The following PDE1B variants were observed in gnomAD, a reference collection of about 807,000 sequenced individuals.
PDE1B encodes the protein dual specificity calcium/calmodulin-dependent 3',5'-cyclic nucleotide phosphodiesterase 1B.
In PDE1B, 13 loss-of-function variants were observed where a neutral mutation model predicts 66.7. The observed-to-expected ratio is 0.19, with a 90% CI of 0.13 to 0.31. The LOEUF is 0.31. PDE1B is among the 10% of genes least tolerant of loss of function. The pLI, the probability that PDE1B is intolerant of heterozygous loss-of-function variation, is 1.00. For synonymous variants in PDE1B, 230 were observed against 253.9 expected, an observed-to-expected ratio of 0.91 and a Z score of 0.90; for missense variants, 485 against 682.3, an observed-to-expected ratio of 0.71 and a Z score of 3.22.
chr12:54,576,469 G>A, intron 13 of PDE1B, 102 bp from the exon 14 acceptor site: 1 of 1,418,542 alleles, frequency 7.0e-7, no homozygotes, highest in South Asian at 1.2e-5. Flanking sequence ...GAAGTTCCCT[G>A]AACCTTCTCC....
At chr12:54,556,596 G>A (rs1292654988) in intron 2 of PDE1B, among the ~76,000 whole-genome samples, 1 of 152,178 alleles carries the variant, frequency 6.6e-6, no homozygotes, top group Non-Finnish European at 1.5e-5. Context: ...CACTGAGGGA[G>A]ATGTGTTGGG....
In PDE1B at chr12:54,569,717, T is replaced by TTG; in HGVS notation, c.477+106_477+107insGT. On this transcript the variant is annotated intron_variant, in intron 5 of 15. Transcript: ENST00000243052. This position sits in a 1 kb window ranked among gnomAD's most constrained non-coding sequence, Gnocchi z 4.4. Reference sequence around the variant, plus strand: ...ATTATTTTTGCCTTCCTTTTTTTTTTTTGAAATGGAGTCTCGCTCTTGTCA... The same window carrying TTG: ...ATTATTTTTGCCTTCCTTTTTTTTTTTGTTGAAATGGAGTCTCGCTCTTGTCA... The TTG allele has an allele frequency of 1.3e-6, 1 of 789,048 alleles. No homozygotes were observed. Among genetic ancestry groups the TTG allele is most frequent in the Non-Finnish European group, 2.2e-6 (1 of 460,398 alleles). The allele number at this position is 789,048 out of a possible 1,614,324, so 48.9% of individuals were successfully genotyped here.
In PDE1B at chr12:54,576,698, A is replaced by C. The variant is rs1440570467; in HGVS notation, c.1504A>C (p.Ser502Arg). ...GCAGAAATGGAAGGAACGGGCAGCA[A>C]GTGGTGGGTACCATGGCAGAGGGCA... is the stretch of plus-strand genomic sequence containing the variant. The part of the protein sequence containing the change: ...NKQKWKERAA[S>R]GITNQMSIDE... Residue 502 changes from serine to arginine, a missense_variant, in exon 14 of 16, where the codon AGT becomes CGT. Physicochemically the swap from Ser to Arg is moderately radical, Grantham distance 110 (BLOSUM62 -1). Coordinates refer to ENST00000243052, the MANE Select transcript of PDE1B (RefSeq NM_000924.4). The C allele has an allele frequency of 1.2e-6, 2 of 1,604,628 alleles. No homozygotes were observed. The highest frequency in any genetic ancestry group is 1.7e-6 in the Non-Finnish European group (2 of 1,175,226).
Position 54,578,558 on chromosome 12 carries a change from G to A in PDE1B, c.*716G>A, listed in dbSNP as rs1306469138. 6.6e-6 allele frequency: 1 copy of A among 152,346 alleles called. No homozygotes were observed. Among genetic ancestry groups the A allele is most frequent in the African/African-American group, 2.4e-5 (1 of 41,436 alleles). The allele number at this position is 152,346 out of a possible 1,614,324, so 9.4% of individuals were successfully genotyped here. On this transcript the variant is annotated 3_prime_UTR_variant, in exon 16 of 16. Transcript: ENST00000243052. ...GAGCCATTGTGACCAGGGGCTGCGG[G>A]AGGCCTTTCCTGGGACCTTCCTTGG...
intron 1 of PDE1B, 32 bp downstream of exon 1, chr12:54,549,804 C>T: frequency 2.4e-6 from 3 of 1,255,364 alleles, no homozygotes; most frequent in Non-Finnish European, 3.5e-6. Context: ...GGGTGAGGGT[C>T]TCTCGGCTGG....
chr12:54,570,178 T>C (rs1957591717), intron 5 of PDE1B, 63 bp from the exon 6 acceptor site: 3 of 959,306 alleles, frequency 3.1e-6, no homozygotes, highest in Admixed American at 1.7e-5. Flanking sequence ...GAAGTCCTTC[T>C]TGAAGTCTAA....
chr12:54,576,247 G>C (rs1003290695), intron 13 of PDE1B, 147 bp downstream of exon 13: 2 of 656,018 alleles, frequency 3.0e-6, no homozygotes, highest in Non-Finnish European at 5.6e-6. Context: ...TCTGCCGTCA[G>C]GGACAGAAGG....
chr12:54,575,352 TA>T lies in PDE1B; in HGVS notation c.1185+138del. The T allele has an allele frequency of 1.2e-6, 1 of 839,494 alleles. No individual in the cohort carries two copies. The allele number at this position is 839,494 out of a possible 1,614,324, so 52.0% of individuals were successfully genotyped here. A position where few individuals can be genotyped will look rare whatever the true frequency, so the allele number is the denominator to read the frequency against. On this transcript the variant is annotated intron_variant, in intron 11 of 15. Transcript: ENST00000243052. The surrounding 1 kb of genome is among the most constrained non-coding windows in gnomAD (Gnocchi z 4.0). ...CTGACCTGATCCCAAATCCTTGGGG[TA>T]AAACCCCATTATCCTAAAAGCCTAA...
chr12:54,566,831 T>C (rs1202574690), intron 2 of PDE1B, 143 bp from the exon 3 acceptor site: 13 of 468,712 alleles, frequency 2.8e-5, no homozygotes. Context: ...AAACATTAGC[T>C]GCTATTATTA....
chr12:54,556,290 A>G (rs1212203583), intron 2 of PDE1B, among the ~76,000 whole-genome samples: 1 of 152,228 alleles, frequency 6.6e-6, no homozygotes, highest in Non-Finnish European at 1.5e-5. Context: ...CAGCAAGACT[A>G]CATGGTCTGA....
intron 2 of PDE1B, among the ~76,000 whole-genome samples, chr12:54,551,595 C>T (rs938833278): frequency 1.3e-5 from 2 of 152,278 alleles, no homozygotes; most frequent in South Asian, 4.1e-4. Context: ...GGATGGCTCC[C>T]CTAACACTAG....
rs1957708218 is a variant in PDE1B at position 54,575,071 on chromosome 12, C to A, written c.1065-27C>A. The A allele has an allele frequency of 1.1e-5, 17 of 1,610,114 alleles. No homozygotes were observed. The highest frequency in any genetic ancestry group is 1.4e-5 in the Non-Finnish European group (17 of 1,177,004). On this transcript the variant is annotated intron_variant, in intron 10 of 15. Coordinates refer to ENST00000243052, the MANE Select transcript of PDE1B (RefSeq NM_000924.4). This position sits in a 1 kb window ranked among gnomAD's most constrained non-coding sequence, Gnocchi z 4.0. ...TTCCTTTTCCTAAAAGATCAGTCTCCCTTCCCTTGCCATCTGCCCCAACCA... is the reference window on the plus strand; with the variant it reads ...TTCCTTTTCCTAAAAGATCAGTCTCACTTCCCTTGCCATCTGCCCCAACCA...
At chr12:54,555,137 C>A (rs1389588004) in intron 2 of PDE1B, among the ~76,000 whole-genome samples, 1 of 152,174 alleles carries the variant, frequency 6.6e-6, no homozygotes, top group African/African-American at 2.4e-5. Context: ...AGGAGAGGAA[C>A]TTCCTCCTTA....
At chr12:54,576,723 A>C in intron 14 of PDE1B, 22 bp downstream of exon 14, 1 of 1,584,856 alleles carries the variant, frequency 6.3e-7, no homozygotes, top group East Asian at 2.3e-5. Flanking sequence ...GGCAGAGGGC[A>C]GGGGTGAGAA....
At position 54,569,598 on chromosome 12, in the gene PDE1B, C is replaced by T. The variant is rs745665484; in HGVS notation, c.463C>T (p.Leu155Phe). 1 of 1,612,292 alleles carries T rather than the reference C, an allele frequency of 6.2e-7. No individual in the cohort carries two copies. Among genetic ancestry groups the T allele is most frequent in the Non-Finnish European group, 8.5e-7 (1 of 1,178,358 alleles). Reference protein sequence around the residue: ...SVGPTYSTAVLNCLKNLDLWC... With the variant: ...SVGPTYSTAVFNCLKNLDLWC... ...GGGCCCCACTTACTCTACTGCGGTT[C>T]TCAACTGTCTCAAGGTAATCTCTGG... Residue 155 changes from leucine (L) to phenylalanine (F), a missense_variant, in exon 5 of 16, where the codon CTC (leucine) becomes TTC (phenylalanine). By Grantham distance (22) the Leu-to-Phe change is conservative (BLOSUM62 0). Coordinates refer to ENST00000243052, the MANE Select transcript of PDE1B (RefSeq NM_000924.4). This position sits in a 1 kb window ranked among gnomAD's most constrained non-coding sequence, Gnocchi z 4.4.
chr12:54,577,585 C>T, intron 15 of PDE1B: 4 of 1,501,626 alleles, frequency 2.7e-6, no homozygotes, highest in Non-Finnish European at 2.6e-6. Flanking sequence ...AGCAGCAGAA[C>T]AGGGTGGGCC....
In PDE1B at chr12:54,569,652, G is replaced by A; in HGVS notation, c.477+40G>A. 7.2e-7 allele frequency: 1 copy of A among 1,398,436 alleles called. No individual in the cohort carries two copies. The highest frequency in any genetic ancestry group is 1.0e-6 in the Non-Finnish European group (1 of 983,320). The allele number at this position is 1,398,436 out of a possible 1,614,324, so 86.6% of individuals were successfully genotyped here. A position where few individuals can be genotyped will look rare whatever the true frequency, so the allele number is the denominator to read the frequency against. ...TTTGGGAAAGAGGAGAAAGTTAGGG[G>A]ATGGAATAGCCACTGGGACTTCTAG... On this transcript the variant is annotated intron_variant, in intron 5 of 15. Transcript: ENST00000243052. The surrounding 1 kb of genome is among the most constrained non-coding windows in gnomAD (Gnocchi z 4.4).
chr12:54,556,155 C>A (rs1298340254), intron 2 of PDE1B, among the ~76,000 whole-genome samples: 2 of 152,166 alleles, frequency 1.3e-5, no homozygotes, highest in Non-Finnish European at 2.9e-5. Flanking sequence ...AGTTGAGTAG[C>A]TATTTTCCAA....
chr12:54,561,172 C>T (rs942891842), intron 2 of PDE1B, among the ~76,000 whole-genome samples: 1 of 152,152 alleles, frequency 6.6e-6, no homozygotes. Context: ...CAGACCTCCT[C>T]TCTGTGACAG....
Sources: gnomAD v4.1 joint callset for allele counts (sites outside exome capture counted in the v4.1 genomes callset) on GRCh38, gnomAD v4.1.1 for gene constraint, Gnocchi (gnomAD v3.1) non-coding constraint, MANE v1.5 for transcripts, NCBI Gene and HGNC (gene_info 2026-07-23, HGNC 2026-07-21) for gene names.